COL11A1: variants seen among roughly 807,000 people sequenced by gnomAD.
COL11A1 encodes collagen type XI alpha 1 chain, also known as collagen alpha-1(XI) chain.
In COL11A1, 74 loss-of-function variants were observed where a neutral mutation model predicts 265.2. That is an observed-to-expected ratio of 0.28 (90% CI 0.23 to 0.34). The LOEUF is 0.34. Ranked by LOEUF, COL11A1 falls within the 10% of genes least tolerant of loss-of-function variation. COL11A1 has a pLI of 1.00. For missense variants in COL11A1, 2,165 were observed against 2,263.6 expected, an observed-to-expected ratio of 0.96 and a Z score of 0.88; for synonymous variants, 816 against 727.6, an observed-to-expected ratio of 1.12 and a Z score of -1.96.
chr1:102,889,356 A>T, intron 59 of COL11A1, 99 bp downstream of exon 59: 1 of 890,420 alleles, frequency 1.1e-6, no homozygotes, highest in East Asian at 2.4e-5. Flanking sequence ...GACACTCTAA[A>T]TTCTTTCTTT....
rs189601136 is a variant in COL11A1 at position 103,014,102 on chromosome 1, C to A, written c.1572+409G>T. On this transcript the variant is annotated intron_variant, in intron 13 of 66. Transcript: ENST00000370096. ...TGTTATCCATGATATGTTAAATAAT[C>A]CAGAAAATTAAGAACAAATGTATTT... Among the ~76,000 whole-genome samples the A allele has an allele frequency of 3.7e-3, 567 of 151,724 alleles. 4 individuals are homozygous for A. The highest frequency in any genetic ancestry group is 0.013 in the African/African-American group (536 of 41,430).
chr1:103,017,662 TTAAAATGTTAAC>T (rs1666671529), intron 11 of COL11A1, among the ~76,000 whole-genome samples, 146 bp downstream of exon 11: 1 of 152,154 alleles, frequency 6.6e-6, no homozygotes. Flanking sequence ...AAAATAATAT[TTAAAATGTTAAC>T]TAAAATGTTG....
chr1:103,027,895 A>G (rs940790762), intron 5 of COL11A1, among the ~76,000 whole-genome samples: 11 of 152,166 alleles, frequency 7.2e-5, no homozygotes, highest in African/African-American at 2.7e-4. Flanking sequence ...TCTAACTTTC[A>G]TAATTCTGTC....
intron 66 of COL11A1, among the ~76,000 whole-genome samples, chr1:102,878,511 CTTTTCTTTCTTTTTT>C (rs1306292716): frequency 2.7e-4 from 9 of 33,656 alleles, no homozygotes; most frequent in African/African-American, 7.7e-4. Flanking sequence ...TATTCTTTTT[CTTTTCTTTCTTTTTT>C]TTTTTTTGAG....
At chr1:103,007,540 G>A (rs1430966485) in intron 15 of COL11A1, among the ~76,000 whole-genome samples, 1 of 151,992 alleles carries the variant, frequency 6.6e-6, no homozygotes, top group Non-Finnish European at 1.5e-5. Flanking sequence ...ACTGTGAAAT[G>A]TTCATTCTAG....
At chr1:102,897,159 A>G (rs1652530512) in intron 57 of COL11A1, among the ~76,000 whole-genome samples, 1 of 152,084 alleles carries the variant, frequency 6.6e-6, no homozygotes, top group South Asian at 2.1e-4. Flanking sequence ...TGCATACCAA[A>G]GATGCTGTGG....
chr1:103,000,594 AAGAC>A (rs140496075), intron 24 of COL11A1, among the ~76,000 whole-genome samples: 35 of 152,106 alleles, frequency 2.3e-4, no homozygotes, highest in African/African-American at 7.9e-4. Context: ...CGTAATCAAG[AAGAC>A]AGACAATAAC....
At chr1:103,008,139 C>T (rs1665793435) in intron 15 of COL11A1, among the ~76,000 whole-genome samples, 1 of 152,186 alleles carries the variant, frequency 6.6e-6, no homozygotes, top group South Asian at 2.1e-4. Context: ...GCAAAAAGTT[C>T]ACAAACTTTG....
intron 42 of COL11A1, among the ~76,000 whole-genome samples, chr1:102,940,895 T>C (rs2101313336): frequency 6.6e-6 from 1 of 152,338 alleles, no homozygotes. Context: ...GTTTTGGTTC[T>C]CCTGGTTTTT....
Position 102,984,129 on chromosome 1 carries a change from C to T in COL11A1, c.2556+9G>A, listed in dbSNP as rs202237215. The T allele has an allele frequency of 7.6e-6, 12 of 1,581,482 alleles. No homozygotes were observed. The highest frequency in any genetic ancestry group is 1.0e-5 in the Non-Finnish European group (12 of 1,152,708). ...ATGTTAATAAACTATAAATATCAAG[C>T]TGTTTTACCTTTGGACCTTGTCTTC... is the stretch of plus-strand genomic sequence containing the variant. On this transcript the variant is annotated intron_variant, in intron 31 of 66. Transcript: ENST00000370096.
At chr1:103,063,850 T>A (rs1316502495) in intron 4 of COL11A1, among the ~76,000 whole-genome samples, 3 of 152,170 alleles carry the variant, frequency 2.0e-5, no homozygotes, top group African/African-American at 7.2e-5. Context: ...AAAAGTTCAA[T>A]ATTCAACAAT....
At chr1:102,907,132 T>C (rs577008093) in intron 54 of COL11A1, among the ~76,000 whole-genome samples, 16 of 152,102 alleles carry the variant, frequency 1.1e-4, no homozygotes, top group African/African-American at 3.9e-4. Context: ...TGAAAATGAA[T>C]GTGAATAGCT....
intron 37 of COL11A1, among the ~76,000 whole-genome samples, chr1:102,968,118 A>G (rs899688295): frequency 1.8e-4 from 27 of 152,230 alleles, no homozygotes; most frequent in Non-Finnish European, 2.2e-4. Flanking sequence ...GAAAACTTTT[A>G]CAGTTCACAA....
At chr1:102,895,166 C>G (rs556903001) in intron 57 of COL11A1, among the ~76,000 whole-genome samples, 1 of 152,042 alleles carries the variant, frequency 6.6e-6, no homozygotes, top group African/African-American at 2.4e-5. Context: ...ATAGTGTGGG[C>G]AGACACCAAG....
chr1:102,893,619 G>T (rs1652036558), intron 57 of COL11A1, among the ~76,000 whole-genome samples: 1 of 152,082 alleles, frequency 6.6e-6, no homozygotes, highest in Non-Finnish European at 1.5e-5. Context: ...GGAAAACAGG[G>T]ATGATACATT....
intron 31 of COL11A1, 60 bp from the exon 32 acceptor site, chr1:102,979,495 T>C: frequency 1.8e-6 from 2 of 1,142,200 alleles, no homozygotes; most frequent in Non-Finnish European, 2.6e-6. Context: ...AGTCACAAGA[T>C]GTAATTTATT....
chr1:103,096,246 C>A (rs1033717201), intron 1 of COL11A1, among the ~76,000 whole-genome samples: 8 of 152,052 alleles, frequency 5.3e-5, no homozygotes, highest in African/African-American at 1.9e-4. Context: ...GAAGTAACTG[C>A]AATTTTCCAG....
At chr1:102,989,144 T>C (rs890335190) in intron 29 of COL11A1, among the ~76,000 whole-genome samples, 1 of 152,066 alleles carries the variant, frequency 6.6e-6, no homozygotes, top group Non-Finnish European at 1.5e-5. Flanking sequence ...CCAGGCAGCA[T>C]AGCTCATTAT....
At chr1:103,014,347 TACTAGAA>T (rs1379666692) in intron 13 of COL11A1, among the ~76,000 whole-genome samples, 157 bp downstream of exon 13, 1 of 152,168 alleles carries the variant, frequency 6.6e-6, no homozygotes, top group Non-Finnish European at 1.5e-5. Context: ...TAAACATTAC[TACTAGAA>T]AAACAAATAA....
Sources: gnomAD v4.1 joint callset for allele counts (sites outside exome capture counted in the v4.1 genomes callset) on GRCh38, gnomAD v4.1.1 for gene constraint, MANE v1.5 for transcripts, NCBI Gene and HGNC (gene_info 2026-07-23, HGNC 2026-07-21) for gene names.